The following RBFOX1 variants were observed in gnomAD, a reference collection of about 807,000 sequenced individuals.
RBFOX1 encodes RNA binding fox-1 homolog 1.
A neutral mutation model predicts 57.7 loss-of-function variants in RBFOX1; 8 were observed. That is an observed-to-expected ratio of 0.14 (90% CI 0.08 to 0.25). RBFOX1 has a LOEUF of 0.25. Ranked by LOEUF, RBFOX1 falls within the 10% of genes least tolerant of loss-of-function variation. The pLI is 1.00. For missense variants in RBFOX1, 611 were observed against 548.5 expected, an observed-to-expected ratio of 1.11 and a Z score of -1.14; for synonymous variants, 326 against 222.4, an observed-to-expected ratio of 1.47 and a Z score of -4.15.
chr16:6,285,225 A>G (rs891193070), intron 1 of RBFOX1, among the ~76,000 whole-genome samples: 2 of 152,180 alleles, frequency 1.3e-5, no homozygotes, highest in Non-Finnish European at 2.9e-5. Context: ...TCCAGATACT[A>G]AATATGTTAA....
intron 4 of RBFOX1, among the ~76,000 whole-genome samples, chr16:7,365,073 C>G (rs755632015): frequency 6.6e-5 from 10 of 151,998 alleles, no homozygotes; most frequent in African/African-American, 2.4e-4. Flanking sequence ...TATCATTCGT[C>G]TATCTATCTA....
chr16:7,637,931 G>A (rs1003082299), intron 11 of RBFOX1, among the ~76,000 whole-genome samples: 7 of 152,176 alleles, frequency 4.6e-5, no homozygotes, highest in African/African-American at 1.7e-4. Context: ...TATCAAGACA[G>A]AATAAGTTTT....
intron 5 of RBFOX1, among the ~76,000 whole-genome samples, chr16:7,545,908 T>C (rs1487477570): frequency 6.6e-6 from 1 of 151,748 alleles, no homozygotes; most frequent in Non-Finnish European, 1.5e-5. Context: ...CTGACAGAAC[T>C]GTTTTGAGAG....
chr16:6,164,005 T>A (rs950851228), intron 1 of RBFOX1, among the ~76,000 whole-genome samples: 31 of 152,326 alleles, frequency 2.0e-4, no homozygotes, highest in Non-Finnish European at 3.8e-4. Context: ...GTCACAGAGT[T>A]ACATTTTTGT....
chr16:7,378,967 G>A (rs958510123), intron 4 of RBFOX1, among the ~76,000 whole-genome samples: 14 of 152,202 alleles, frequency 9.2e-5, no homozygotes, highest in African/African-American at 3.4e-4. Context: ...TCCCACCACT[G>A]ACATTTAGAA....
chr16:7,187,466 A>G (rs12928012), intron 4 of RBFOX1, among the ~76,000 whole-genome samples: 84,327 of 150,190 alleles, frequency 0.56, 23,769 homozygotes, highest in Non-Finnish European at 0.6. Context: ...AAGGCGGGCT[A>G]ATCACGAGAT....
rs533142467 is a variant in RBFOX1, at chr16:7,441,634, A to C, written c.28-76513A>C. On this transcript the variant is annotated intron_variant, in intron 4 of 15. Transcript: ENST00000550418. ...CCCCTGTTATTAGCTGCCAACATTT[A>C]GATATGTAAAGATTACATTTAAAAT... 2.6e-5 allele frequency among the ~76,000 whole-genome samples: 4 copies of C among 152,310 alleles called. No homozygotes were observed. The South Asian group carries it at 8.3e-4, about 32-fold the overall frequency.
At chr16:7,443,084 C>T (rs571799967) in intron 4 of RBFOX1, among the ~76,000 whole-genome samples, 5 of 152,298 alleles carry the variant, frequency 3.3e-5, no homozygotes, top group African/African-American at 4.8e-5. Flanking sequence ...CCTTCAGTTG[C>T]ACGAGAACAC....
chr16:6,901,514 G>T (rs1220030512), intron 3 of RBFOX1, among the ~76,000 whole-genome samples: 1 of 152,132 alleles, frequency 6.6e-6, no homozygotes, highest in Non-Finnish European at 1.5e-5. Flanking sequence ...ATGACAGCAA[G>T]TTCATGTCTA....
At chr16:6,826,503 A>C (rs892842208) in intron 3 of RBFOX1, among the ~76,000 whole-genome samples, 2 of 152,166 alleles carry the variant, frequency 1.3e-5, no homozygotes, top group East Asian at 1.9e-4. Flanking sequence ...CTGGTATACA[A>C]TAAGCGTTCC....
rs911723996 is a variant in RBFOX1, at chr16:5,497,622, C to CAAAAAAAAAAAAAAAAAAAAAAAAAAA, written c.258+30384_258+30385insAAAAAAAAAAAAAAAAAAAAAAAAAAA. ...TGAAACCCTATCTCTACTAAAAATA[C>CAAAAAAAAAAAAAAAAAAAAAAAAAAA]AAAAAAAAAAAAAAAAGCTGGGCAT... On this transcript the variant is annotated intron_variant, in intron 2 of 2. Coordinates refer to the RBFOX1 transcript ENST00000585867. 5.8e-4 allele frequency among the ~76,000 whole-genome samples: 31 copies of CAAAAAAAAAAAAAAAAAAAAAAAAAAA among 53,404 alleles called. 1 individual carries two copies. The highest frequency in any genetic ancestry group is 2.8e-3 in the East Asian group (7 of 2,526). The allele number at this position is 53,404 out of a possible 152,430, so 35.0% of individuals were successfully genotyped here. A position where few individuals can be genotyped will look rare whatever the true frequency, so the allele number is the denominator to read the frequency against.
rs114467638 is a variant in RBFOX1 at position 5,763,990 on chromosome 16, C to T, written c.319-103313C>T. 7.2e-3 allele frequency among the ~76,000 whole-genome samples: 1,091 copies of T among 152,284 alleles called. 15 individuals are homozygous for T. The highest frequency in any genetic ancestry group is 0.025 in the African/African-American group (1,030 of 41,550). On this transcript the variant is annotated intron_variant, in intron 3 of 19. Transcript: ENST00000641259. ...TATCTCCTATGCTAGAACACATGCA[C>T]CTCAAGGGCAGGTACTTTATCCTAT...
At chr16:5,629,946 C>G (rs1339995132) in intron 3 of RBFOX1, among the ~76,000 whole-genome samples, 2 of 152,158 alleles carry the variant, frequency 1.3e-5, no homozygotes, top group East Asian at 1.9e-4. Context: ...AAGTGCTCAT[C>G]TCACAGGAGA....
intron 5 of RBFOX1, among the ~76,000 whole-genome samples, chr16:7,550,868 C>G (rs1198522147): frequency 2.0e-5 from 3 of 151,888 alleles, no homozygotes; most frequent in Non-Finnish European, 4.4e-5. Context: ...CCGAGGCAGG[C>G]GGATCACTTG....
intron 4 of RBFOX1, among the ~76,000 whole-genome samples, chr16:7,348,694 C>T (rs539499542): frequency 1.8e-4 from 27 of 152,210 alleles, no homozygotes; most frequent in Admixed American, 5.9e-4. Flanking sequence ...AGAATCCCAG[C>T]ACTTTGGGAG....
At chr16:7,464,997 A>G (rs185429817) in intron 4 of RBFOX1, among the ~76,000 whole-genome samples, 2 of 151,390 alleles carry the variant, frequency 1.3e-5, no homozygotes, top group Admixed American at 6.6e-5. Flanking sequence ...GAGCCCAGCT[A>G]TTGTCTCTCT....
rs545146337 is a variant in RBFOX1, at chr16:5,537,707, C to G, written c.259-61195C>G. Among the ~76,000 whole-genome samples the G allele has an allele frequency of 5.9e-5, 9 of 152,336 alleles. No homozygotes were observed. The South Asian group carries it at 1.7e-3, about 28-fold the overall frequency. On this transcript the variant is annotated intron_variant, in intron 2 of 2. Transcript: ENST00000585867. ...GCCAATGATGGCTGGTTGAATCCTT[C>G]TCATTTTTCATTTCTTTGACTTTTC...
intron 3 of RBFOX1, among the ~76,000 whole-genome samples, chr16:6,876,059 G>T (rs118052658): frequency 6.6e-6 from 1 of 151,920 alleles, no homozygotes; most frequent in African/African-American, 2.4e-5. Flanking sequence ...TATAGTCCTA[G>T]CATCTCGGGG....
chr16:6,851,304 G>T (rs1458267499), intron 3 of RBFOX1, among the ~76,000 whole-genome samples: 4 of 152,132 alleles, frequency 2.6e-5, no homozygotes, highest in Non-Finnish European at 5.9e-5. Context: ...GTAGGGTGTG[G>T]TCATAGAAGG....
Sources: gnomAD v4.1 joint callset for allele counts (sites outside exome capture counted in the v4.1 genomes callset) on GRCh38, gnomAD v4.1.1 for gene constraint, MANE v1.5 for transcripts, NCBI Gene and HGNC (gene_info 2026-07-23, HGNC 2026-07-21) for gene names.